Variants in PSIP1 observed in about 807,000 individuals in gnomAD.
PSIP1 encodes PC4 and SRSF1 interacting protein 1, also known as PC4 and SFRS1-interacting protein.
In PSIP1, 19 loss-of-function variants were observed where a neutral mutation model predicts 74.7. The ratio of observed to expected loss-of-function variants is 0.25; its 90% CI spans 0.18 to 0.37. The LOEUF is 0.37. Ranked by LOEUF, PSIP1 falls within the 10% of genes least tolerant of loss-of-function variation. PSIP1 has a pLI of 1.00. For synonymous variants in PSIP1, 222 were observed against 195.3 expected (o/e 1.14, Z -1.14); for missense variants, 601 against 614.3 (o/e 0.98, Z 0.23).
intron 3 of PSIP1, among the ~76,000 whole-genome samples, chr9:15,493,340 C>T (rs936690890): frequency 6.6e-6 from 1 of 152,202 alleles, no homozygotes; most frequent in African/African-American, 2.4e-5. Flanking sequence ...GAGACCACCT[C>T]AGCCTGGAGT....
chr9:15,466,643 T>C, intron 15 of PSIP1, 105 bp downstream of exon 15: 2 of 834,644 alleles, frequency 2.4e-6, no homozygotes, highest in Non-Finnish European at 3.6e-6. Flanking sequence ...AATTGGGTGA[T>C]CAAAAGATAA....
intron 3 of PSIP1, among the ~76,000 whole-genome samples, chr9:15,501,551 A>G (rs2037344759): frequency 6.6e-6 from 1 of 152,152 alleles, no homozygotes; most frequent in African/African-American, 2.4e-5. Context: ...TATTTTTACA[A>G]TAGAAAAAAG....
chr9:15,486,730 T>C (rs920825055), intron 5 of PSIP1, 97 bp downstream of exon 5: 15 of 846,338 alleles, frequency 1.8e-5, no homozygotes, highest in Middle Eastern at 6.8e-4. Context: ...TTTGAAGTAC[T>C]TTAAAAATTA....
chr9:15,479,769 T>C, intron 6 of PSIP1, 82 bp from the exon 7 acceptor site: 1 of 1,038,892 alleles, frequency 9.6e-7, no homozygotes, highest in Non-Finnish European at 1.5e-6. Context: ...TATGCCAGTC[T>C]ATGGTAACGT....
chr9:15,472,467 G>C, intron 10 of PSIP1, 165 bp downstream of exon 10: 1 of 1,395,328 alleles, frequency 7.2e-7, no homozygotes, highest in African/African-American at 1.5e-5. Flanking sequence ...AGAGAATGAA[G>C]CCTGAAATAA....
At chr9:15,501,842 T>TATATGC (rs2037359776) in intron 3 of PSIP1, among the ~76,000 whole-genome samples, 1 of 23,204 alleles carries the variant, frequency 4.3e-5, no homozygotes, top group Non-Finnish European at 1.6e-4. Context: ...TAAAACAGCA[T>TATATGC]ATATATATAT....
At chr9:15,477,967 C>A (rs1384761656) in intron 8 of PSIP1, among the ~76,000 whole-genome samples, 1 of 150,776 alleles carries the variant, frequency 6.6e-6, no homozygotes, top group Non-Finnish European at 1.5e-5. Context: ...AGACCAGTCT[C>A]ATCAAAAAAA....
intron 3 of PSIP1, among the ~76,000 whole-genome samples, 198 bp from the exon 4 acceptor site, chr9:15,490,322 C>T (rs1294603616): frequency 2.0e-5 from 3 of 152,084 alleles, no homozygotes; most frequent in Non-Finnish European, 2.9e-5. Context: ...ATCCATAATC[C>T]TATTAAGTAA....
At chr9:15,488,526 C>T (rs1253557493) in intron 4 of PSIP1, among the ~76,000 whole-genome samples, 1 of 152,130 alleles carries the variant, frequency 6.6e-6, no homozygotes, top group Admixed American at 6.5e-5. Context: ...TATTATAAAG[C>T]CATCTGTTTA....
chr9:15,476,344 CAATGGGT>C (rs1587473333), intron 8 of PSIP1, among the ~76,000 whole-genome samples: 1 of 152,272 alleles, frequency 6.6e-6, no homozygotes, highest in South Asian at 2.1e-4. Context: ...CGTTATTATA[CAATGGGT>C]AAAACTGTTG....
At chr9:15,502,237 C>T (rs1163884560) in intron 3 of PSIP1, among the ~76,000 whole-genome samples, 1 of 152,112 alleles carries the variant, frequency 6.6e-6, no homozygotes, top group South Asian at 2.1e-4. Flanking sequence ...AATGTAAATG[C>T]TATATAGTTG....
chr9:15,506,520 T>C, intron 3 of PSIP1, 41 bp downstream of exon 3: 1 of 1,420,070 alleles, frequency 7.0e-7, no homozygotes, highest in East Asian at 2.3e-5. Flanking sequence ...ATAACCCTGT[T>C]AAATTAGCTC....
intron 4 of PSIP1, among the ~76,000 whole-genome samples, chr9:15,487,386 G>T (rs190510708): frequency 6.6e-6 from 1 of 151,568 alleles, no homozygotes; most frequent in African/African-American, 2.4e-5. Context: ...CTTGAAGTCG[G>T]GCGTTCAAGA....
intron 8 of PSIP1, among the ~76,000 whole-genome samples, chr9:15,476,185 T>C (rs1319457248): frequency 6.6e-6 from 1 of 152,150 alleles, no homozygotes; most frequent in Non-Finnish European, 1.5e-5. Flanking sequence ...ACAGCATGAA[T>C]AAGAAATAAA....
intron 3 of PSIP1, among the ~76,000 whole-genome samples, chr9:15,504,739 A>AAC (rs1373643494): frequency 6.6e-6 from 1 of 151,076 alleles, no homozygotes; most frequent in Non-Finnish European, 1.5e-5. Flanking sequence ...TCGGTCTCAA[A>AAC]AAAAAAAAAA....
intron 2 of PSIP1, among the ~76,000 whole-genome samples, chr9:15,509,655 G>A (rs2132258190): frequency 1.3e-5 from 2 of 152,290 alleles, no homozygotes; most frequent in East Asian, 3.9e-4. Context: ...CAAGTACAAG[G>A]TATTTTTTTT....
Position 15,466,784 on chromosome 9 carries a change from T to G in PSIP1, c.1496A>C (p.Asp499Ala), listed in dbSNP as rs757071172. ...GCTGGCTTCATGGTTGTCTTTGCTGTCTTCATTGCTCTCCCCGTTATGTTG... is the reference window on the plus strand; with the variant it reads ...GCTGGCTTCATGGTTGTCTTTGCTGGCTTCATTGCTCTCCCCGTTATGTTG... Reference protein sequence around the residue: ...QPQHNGESNEDSKDNHEASTK... With the variant: ...QPQHNGESNEASKDNHEASTK... The change falls in exon 15 of 16, where the codon GAC (aspartate) becomes GCC (alanine). Residue 499 changes from aspartate to alanine, a missense_variant. Asp to Ala is a moderately radical substitution (Grantham distance 126). Coordinates refer to ENST00000380733, the MANE Select transcript of PSIP1 (RefSeq NM_033222.5). 2 of 1,613,564 alleles carry G rather than the reference T, an allele frequency of 1.2e-6. No individual in the cohort carries two copies. Among genetic ancestry groups the G allele is most frequent in the East Asian group, 4.5e-5 (2 of 44,844 alleles).
At chr9:15,506,913 T>G (rs2037616736) in intron 2 of PSIP1, among the ~76,000 whole-genome samples, 2 of 152,216 alleles carry the variant, frequency 1.3e-5, no homozygotes, top group African/African-American at 4.8e-5. Context: ...TGCAGACATA[T>G]TATTATGTGC....
chr9:15,502,219 C>A (rs2037382465), intron 3 of PSIP1, among the ~76,000 whole-genome samples: 1 of 152,164 alleles, frequency 6.6e-6, no homozygotes, highest in South Asian at 2.1e-4. Flanking sequence ...ACTTATAATA[C>A]CTAATACAAT....
Sources: gnomAD v4.1 joint callset for allele counts (sites outside exome capture counted in the v4.1 genomes callset) on GRCh38, gnomAD v4.1.1 for gene constraint, MANE v1.5 for transcripts, NCBI Gene and HGNC (gene_info 2026-07-23, HGNC 2026-07-21) for gene names.